EYS: variants seen among roughly 807,000 people sequenced by gnomAD.
The protein encoded by EYS is protein eyes shut homolog.
Under a neutral mutation model 282.1 loss-of-function variants are expected in EYS, and 250 were observed. That is an observed-to-expected ratio of 0.89 (90% CI 0.80 to 0.98). EYS has a LOEUF of 0.98. Ranked by LOEUF, EYS falls within the 50% of genes least tolerant of loss-of-function variation. EYS has a pLI of 0.00. For missense variants in EYS, 4,016 were observed against 3,709.0 expected (o/e 1.08, Z -2.15); for synonymous variants, 1,355 against 1,282.9 (o/e 1.06, Z -1.20).
At chr6:64,305,975 A>G (rs1443358055) in intron 30 of EYS, among the ~76,000 whole-genome samples, 1 of 152,212 alleles carries the variant, frequency 6.6e-6, no homozygotes, top group Non-Finnish European at 1.5e-5. Context: ...TGCAAATCAT[A>G]TATCTGATAA....
chr6:64,329,906 G>T (rs1770577198), intron 29 of EYS, among the ~76,000 whole-genome samples: 1 of 152,074 alleles, frequency 6.6e-6, no homozygotes, highest in Admixed American at 6.6e-5. Context: ...TATACATAAA[G>T]GATGCATTCT....
At chr6:65,156,101 A>C (rs760547593) in intron 12 of EYS, among the ~76,000 whole-genome samples, 1 of 151,306 alleles carries the variant, frequency 6.6e-6, no homozygotes, top group African/African-American at 2.4e-5. Flanking sequence ...GAGGAAGGAG[A>C]GATAATAGAA....
intron 31 of EYS, among the ~76,000 whole-genome samples, chr6:64,119,275 T>G (rs1773492777): frequency 6.6e-6 from 1 of 152,156 alleles, no homozygotes; most frequent in African/African-American, 2.4e-5. Context: ...TATTTTTACA[T>G]AATATTAAAA....
intron 22 of EYS, among the ~76,000 whole-genome samples, chr6:64,703,647 A>G (rs774884947): frequency 6.6e-6 from 1 of 151,478 alleles, no homozygotes; most frequent in South Asian, 2.1e-4. Context: ...TCTTTGGTTC[A>G]TTACAACATT....
At chr6:65,546,192 T>G (rs888712762) in intron 2 of EYS, among the ~76,000 whole-genome samples, 8 of 150,782 alleles carry the variant, frequency 5.3e-5, no homozygotes, top group African/African-American at 1.7e-4. Context: ...CTAGTTTTTT[T>G]TTTTTTTTTT....
At chr6:65,698,489 G>A (rs1416730584) in intron 1 of EYS, among the ~76,000 whole-genome samples, 1 of 152,092 alleles carries the variant, frequency 6.6e-6, no homozygotes, top group Non-Finnish European at 1.5e-5. Flanking sequence ...GATAAGAGCT[G>A]ATGAAAACTA....
intron 5 of EYS, among the ~76,000 whole-genome samples, chr6:65,422,545 T>C (rs941050228): frequency 2.0e-5 from 3 of 151,666 alleles, no homozygotes; most frequent in Non-Finnish European, 4.4e-5. Context: ...AAAATGCAAA[T>C]GCCCAATAAA....
At chr6:64,999,440 T>G (rs1009127972) in intron 13 of EYS, among the ~76,000 whole-genome samples, 7 of 152,010 alleles carry the variant, frequency 4.6e-5, no homozygotes, top group African/African-American at 1.7e-4. Context: ...AAGAGTGTGG[T>G]CCCTTTAAAT....
intron 31 of EYS, among the ~76,000 whole-genome samples, chr6:64,132,751 A>C (rs1197589447): frequency 6.6e-6 from 1 of 151,846 alleles, no homozygotes; most frequent in Non-Finnish European, 1.5e-5. Flanking sequence ...AGTTTTTAAA[A>C]ATTTTTATAC....
chr6:64,879,376 A>G (rs1766845649), intron 19 of EYS, among the ~76,000 whole-genome samples: 1 of 152,142 alleles, frequency 6.6e-6, no homozygotes, highest in Non-Finnish European at 1.5e-5. Context: ...CCGATATTCA[A>G]GGATTTTCTC....
intron 19 of EYS, among the ~76,000 whole-genome samples, chr6:64,828,667 G>T (rs918227236): frequency 1.3e-5 from 2 of 151,948 alleles, no homozygotes; most frequent in Non-Finnish European, 2.9e-5. Context: ...AACTGCCAAT[G>T]CATTTGGCAA....
intron 22 of EYS, among the ~76,000 whole-genome samples, chr6:64,753,368 GAAAC>G (rs542910700): frequency 1.1e-3 from 162 of 151,846 alleles, no homozygotes; most frequent in African/African-American, 3.5e-3. Flanking sequence ...CTGCTTTCAA[GAAAC>G]ACACTTAGCT....
At chr6:65,574,425 A>G (rs1395688872) in intron 2 of EYS, among the ~76,000 whole-genome samples, 1 of 152,206 alleles carries the variant, frequency 6.6e-6, no homozygotes, top group Non-Finnish European at 1.5e-5. Context: ...GAGTGAAAGA[A>G]TGGAAAAGAT....
At chr6:64,235,910 A>C (rs986816298) in intron 30 of EYS, among the ~76,000 whole-genome samples, 1 of 152,218 alleles carries the variant, frequency 6.6e-6, no homozygotes, top group African/African-American at 2.4e-5. Context: ...AGGAACTGGT[A>C]CCATTCCTTC....
chr6:65,126,112 T>C (rs779494818), intron 12 of EYS, among the ~76,000 whole-genome samples: 29 of 152,178 alleles, frequency 1.9e-4, no homozygotes, highest in Non-Finnish European at 2.9e-4. Flanking sequence ...TTTCTTTTTG[T>C]TGTTTGTTTT....
At chr6:64,574,374 T>C (rs974201902) in intron 26 of EYS, among the ~76,000 whole-genome samples, 1 of 152,162 alleles carries the variant, frequency 6.6e-6, no homozygotes, top group Admixed American at 6.5e-5. Context: ...TGTATACCTA[T>C]GTAATAAAAC....
intron 33 of EYS, among the ~76,000 whole-genome samples, chr6:64,058,745 C>G (rs139849956): frequency 2.0e-5 from 3 of 152,126 alleles, no homozygotes; most frequent in Non-Finnish European, 2.9e-5. Context: ...TTATAACTGT[C>G]AAAATCTTGT....
chr6:65,386,226 T>C (rs1316199677), intron 7 of EYS, among the ~76,000 whole-genome samples: 1 of 149,908 alleles, frequency 6.7e-6, no homozygotes, highest in Non-Finnish European at 1.5e-5. Context: ...CAGTACACAC[T>C]AGGTAAGAGA....
chr6:63,966,539 A>G (rs1766318528), intron 35 of EYS, among the ~76,000 whole-genome samples: 1 of 152,228 alleles, frequency 6.6e-6, no homozygotes, highest in African/African-American at 2.4e-5. Flanking sequence ...TCAAAGCAAT[A>G]GCAACAGCAT....
Sources: allele counts gnomAD v4.1 joint callset (sites outside exome capture counted in the v4.1 genomes callset), GRCh38; gene constraint gnomAD v4.1.1; transcripts MANE v1.5; gene names NCBI Gene and HGNC (gene_info 2026-07-23, HGNC 2026-07-21).